MORC1: variants seen among roughly 807,000 people sequenced by gnomAD.
MORC1 encodes the protein MORC family CW-type zinc finger protein 1.
A neutral mutation model predicts 134.9 loss-of-function variants in MORC1; 59 were observed. The ratio of observed to expected loss-of-function variants is 0.44; its 90% CI spans 0.35 to 0.54. MORC1 has a LOEUF of 0.54. Among genes scored for constraint, MORC1 ranks in the 20% least tolerant of loss-of-function variants. The probability of loss-of-function intolerance (pLI) is 0.00; values close to 1 mark genes in which losing one functional copy is unlikely to be tolerated. For missense variants in MORC1, 947 were observed against 1,134.5 expected, an observed-to-expected ratio of 0.83 and a Z score of 2.37; for synonymous variants, 395 against 391.7, an observed-to-expected ratio of 1.01 and a Z score of -0.10.
chr3:108,969,825 G>T, intron 25 of MORC1, 103 bp from the exon 26 acceptor site: 1 of 1,139,930 alleles, frequency 8.8e-7, no homozygotes, highest in Non-Finnish European at 1.3e-6. Context: ...AAGCATCAAA[G>T]CCTAGAACTG....
intron 21 of MORC1, among the ~76,000 whole-genome samples, chr3:108,996,636 G>T (rs148591285): frequency 1.3e-5 from 2 of 152,260 alleles, no homozygotes; most frequent in East Asian, 3.9e-4. Context: ...GCAAGGTCTT[G>T]CCAAGAACAT....
chr3:109,062,422 C>CTT (rs757502962), intron 10 of MORC1, among the ~76,000 whole-genome samples: 9 of 139,052 alleles, frequency 6.5e-5, no homozygotes, highest in East Asian at 2.1e-4. Flanking sequence ...GAACATCCTT[C>CTT]TTTTTTTTTT....
chr3:109,114,248 T>A, intron 2 of MORC1, 136 bp downstream of exon 2: 1 of 690,496 alleles, frequency 1.4e-6, no homozygotes, highest in Non-Finnish European at 2.3e-6. Flanking sequence ...TAGAACACCT[T>A]GATTTTATAG....
At chr3:108,970,574 A>G (rs1947349877) in intron 25 of MORC1, among the ~76,000 whole-genome samples, 1 of 152,230 alleles carries the variant, frequency 6.6e-6, no homozygotes, top group South Asian at 2.1e-4. Flanking sequence ...TCAGACTCAT[A>G]TAGTCCCTCT....
intron 14 of MORC1, 42 bp downstream of exon 14, chr3:109,054,686 T>C (rs753919368): frequency 2.8e-6 from 4 of 1,407,906 alleles, no homozygotes; most frequent in Non-Finnish European, 2.8e-6. Context: ...CAGAAAGTAA[T>C]CCCTCTGTAA....
At chr3:109,098,939 G>A (rs1001743376) in intron 6 of MORC1, among the ~76,000 whole-genome samples, 4 of 152,160 alleles carry the variant, frequency 2.6e-5, no homozygotes, top group Non-Finnish European at 5.9e-5. Context: ...AAATGGAGTT[G>A]AAATTATGGT....
rs1371909803 is a variant in MORC1, at chr3:109,037,580, A to C, written c.1331-2112T>G. Among the ~76,000 whole-genome samples, 7 of 152,106 alleles carry C rather than the reference A, an allele frequency of 4.6e-5. No individual in the cohort carries two copies. In the East Asian group the frequency reaches 5.8e-4, roughly 13 times the overall value. ...TACATTAGGTATTTCTCCTAATACT[A>C]TCTCTCTCCCAGCTCCCCCACCCCC... On this transcript the variant is annotated intron_variant, in intron 14 of 27. Transcript: ENST00000232603.
chr3:109,005,481 C>G (rs1351625589), intron 18 of MORC1, among the ~76,000 whole-genome samples, 166 bp from the exon 19 acceptor site: 4 of 152,130 alleles, frequency 2.6e-5, no homozygotes, highest in Admixed American at 2.6e-4. Context: ...GCCACAATGG[C>G]TCATTAAGAA....
At chr3:108,993,403 C>G (rs980036104) in intron 21 of MORC1, among the ~76,000 whole-genome samples, 1 of 152,104 alleles carries the variant, frequency 6.6e-6, no homozygotes, top group Non-Finnish European at 1.5e-5. Flanking sequence ...TGTGTCTCTC[C>G]GTACGTTTGC....
At chr3:109,086,614 G>A (rs1426135375) in intron 8 of MORC1, among the ~76,000 whole-genome samples, 2 of 151,948 alleles carry the variant, frequency 1.3e-5, no homozygotes, top group African/African-American at 4.8e-5. Context: ...AGAATCAACA[G>A]TAAATAAATA....
intron 26 of MORC1, among the ~76,000 whole-genome samples, chr3:108,967,576 T>A (rs1010153692): frequency 1.3e-5 from 2 of 152,158 alleles, no homozygotes; most frequent in Admixed American, 6.5e-5. Context: ...TAATGTCAGG[T>A]CTCTAGTAAC....
rs1352126654 is a variant in MORC1 at position 108,980,317 on chromosome 3, A to C, written c.2325-650T>G. 2.0e-5 allele frequency among the ~76,000 whole-genome samples: 3 copies of C among 152,116 alleles called. No homozygotes were observed. The East Asian group carries it at 5.8e-4, about 29-fold the overall frequency. ...AGACTGCCTCCAGAGGTAACAGTTGATTTACAATCCAAAGTCCCACTACGA... is the reference window on the plus strand; with the variant it reads ...AGACTGCCTCCAGAGGTAACAGTTGCTTTACAATCCAAAGTCCCACTACGA... On this transcript the variant is annotated intron_variant, in intron 23 of 27. Coordinates refer to ENST00000232603, the MANE Select transcript of MORC1 (RefSeq NM_014429.4).
chr3:109,108,081 G>A (rs1450106250), intron 3 of MORC1, among the ~76,000 whole-genome samples: 2 of 151,980 alleles, frequency 1.3e-5, no homozygotes, highest in African/African-American at 2.4e-5. Flanking sequence ...CCCAGCTACT[G>A]GAAAGGCAGA....
chr3:108,962,225 A>AGT (rs1394563408), intron 27 of MORC1, among the ~76,000 whole-genome samples: 2 of 152,098 alleles, frequency 1.3e-5, no homozygotes, highest in East Asian at 1.9e-4. Context: ...TGTTGCCTAG[A>AGT]CCATCAAAGG....
chr3:109,085,174 CTG>C (rs375880275), intron 8 of MORC1, among the ~76,000 whole-genome samples: 1 of 150,800 alleles, frequency 6.6e-6, no homozygotes, highest in African/African-American at 2.4e-5. Flanking sequence ...GTGTATGTGT[CTG>C]TGTGTGTGTG....
At chr3:108,996,429 A>T (rs1948229187) in intron 21 of MORC1, among the ~76,000 whole-genome samples, 1 of 152,188 alleles carries the variant, frequency 6.6e-6, no homozygotes, top group Non-Finnish European at 1.5e-5. Context: ...AAAAATAAGA[A>T]GTTTGCTGAA....
At chr3:108,984,605 G>A (rs973607455) in intron 23 of MORC1, 111 bp downstream of exon 23, 1 of 815,358 alleles carries the variant, frequency 1.2e-6, no homozygotes. Context: ...TTCCATTCTT[G>A]ATTGCTTTTG....
chr3:108,966,214 G>A (rs1297532057), intron 26 of MORC1, among the ~76,000 whole-genome samples: 3 of 152,088 alleles, frequency 2.0e-5, no homozygotes, highest in East Asian at 3.9e-4. Context: ...AAGTCTTTCC[G>A]AACTACATTA....
chr3:109,066,798 C>A (rs1159360713), intron 9 of MORC1, among the ~76,000 whole-genome samples: 3 of 152,074 alleles, frequency 2.0e-5, no homozygotes, highest in Non-Finnish European at 4.4e-5. Context: ...AGAGGAATTC[C>A]CAATTCACAG....
Sources: gnomAD v4.1 joint callset for allele counts (sites outside exome capture counted in the v4.1 genomes callset) on GRCh38, gnomAD v4.1.1 for gene constraint, MANE v1.5 for transcripts, NCBI Gene and HGNC (gene_info 2026-07-23, HGNC 2026-07-21) for gene names.